Variants in NPY4R observed in about 807,000 individuals in gnomAD.
NPY4R encodes the protein neuropeptide Y receptor type 4.
In NPY4R, 2 loss-of-function variants were observed where a neutral mutation model predicts 11.9. The observed-to-expected ratio is 0.17, with a 90% CI of 0.07 to 0.53. The LOEUF is 0.53. Ranked by LOEUF, NPY4R falls within the 20% of genes least tolerant of loss-of-function variation. The pLI, the probability that NPY4R is intolerant of heterozygous loss-of-function variation, is 0.94. For missense variants in NPY4R, 26 were observed against 280.2 expected (o/e 0.09, Z 6.48); for synonymous variants, 8 against 121.7 (o/e 0.07, Z 6.15).
At chr10:46,466,252 TTTCTTTCTTTCCTTTCTTTCTTTC>T (rs1841037965), upstream of NPY4R, among the ~76,000 whole-genome samples, 36 of 72,956 alleles carry the variant, frequency 4.9e-4, no homozygotes, top group African/African-American at 2.0e-3. Context: ...TCTTTCTTTC[TTTCTTTCTTTCCTTTCTTTCTTTC>T]TTTCTTTCTC....
upstream of NPY4R, among the ~76,000 whole-genome samples, chr10:46,466,246 T>TC (rs1491101538): frequency 1.6e-4 from 11 of 68,402 alleles, no homozygotes; most frequent in African/African-American, 3.4e-4. Flanking sequence ...TTTCTTTCTT[T>TC]CTTTCTTTCT....
chr10:46,466,231 CTTTCTTTCTTTCTTTCTTTCT>C (rs1841028112), upstream of NPY4R, among the ~76,000 whole-genome samples: 2 of 68,306 alleles, frequency 2.9e-5, no homozygotes, highest in African/African-American at 8.6e-5. Flanking sequence ...TTCTTTCTTT[CTTTCTTTCTTTCTTTCTTTCT>C]TTCTTTCTTT....
upstream of NPY4R, among the ~76,000 whole-genome samples, chr10:46,466,572 G>A (rs1215516139): frequency 2.1e-5 from 1 of 47,600 alleles, no homozygotes; most frequent in African/African-American, 9.6e-5. Flanking sequence ...CCCTGGGGGA[G>A]AAGACAGACA....
chr10:46,466,119 G>T (rs1269839466), upstream of NPY4R, among the ~76,000 whole-genome samples: 16 of 147,480 alleles, frequency 1.1e-4, no homozygotes, highest in African/African-American at 3.4e-4. Flanking sequence ...CCCTGCCTGC[G>T]TGTGTCTCTC....
upstream of NPY4R, among the ~76,000 whole-genome samples, chr10:46,466,272 C>CT (rs782461880): frequency 1.5e-5 from 1 of 65,978 alleles, no homozygotes; most frequent in Non-Finnish European, 2.9e-5. Flanking sequence ...TCCTTTCTTT[C>CT]TTTCTTTCTT....
At chr10:46,466,272 C>CTTTCTTTTCTTTCTT, upstream of NPY4R, among the ~76,000 whole-genome samples, 1 of 66,032 alleles carries the variant, frequency 1.5e-5, no homozygotes, top group East Asian at 2.9e-4. Context: ...TCCTTTCTTT[C>CTTTCTTTTCTTTCTT]TTTCTTTCTT....
upstream of NPY4R, among the ~76,000 whole-genome samples, chr10:46,466,183 C>CTTTCTT (rs1279457928): frequency 2.1e-5 from 2 of 93,836 alleles, no homozygotes; most frequent in African/African-American, 8.8e-5. Flanking sequence ...GTCTTTCTCT[C>CTTTCTT]TTTCTTTCTT....
At chr10:46,466,282 T>TC (rs1841048403), upstream of NPY4R, among the ~76,000 whole-genome samples, 1 of 63,752 alleles carries the variant, frequency 1.6e-5, no homozygotes, top group African/African-American at 8.7e-5. Flanking sequence ...CTTTCTTTCT[T>TC]TCTCTCTCTC....
chr10:46,467,989 A>G (rs1554991857), upstream of NPY4R, among the ~76,000 whole-genome samples: 2 of 110,298 alleles, frequency 1.8e-5, no homozygotes, highest in Non-Finnish European at 3.7e-5. Flanking sequence ...AGCAGCAAAC[A>G]GCTCCCTTGC....
At chr10:46,466,239 C>CT (rs1268130475), upstream of NPY4R, among the ~76,000 whole-genome samples, 2 of 69,418 alleles carry the variant, frequency 2.9e-5, no homozygotes, top group African/African-American at 1.7e-4. Flanking sequence ...TTCTTTCTTT[C>CT]TTTCTTTCTT....
chr10:46,466,211 C>T (rs1841024180), upstream of NPY4R, among the ~76,000 whole-genome samples: 1 of 58,198 alleles, frequency 1.7e-5, no homozygotes, highest in Admixed American at 1.6e-4. Context: ...TTCTTTCTTT[C>T]TTTCTTTCTT....
At chr10:46,466,177 T>TTC (rs1377838026), upstream of NPY4R, among the ~76,000 whole-genome samples, 10,376 of 38,270 alleles carry the variant, frequency 0.27, 2,405 homozygotes, top group South Asian at 0.38. Context: ...TGCGCTGTCT[T>TTC]TCTCTCTTTC....
chr10:46,466,288 C>T (rs1351557048), upstream of NPY4R, among the ~76,000 whole-genome samples: 4 of 73,836 alleles, frequency 5.4e-5, 1 homozygote, highest in African/African-American at 2.2e-4. Flanking sequence ...TTCTTTCTCT[C>T]TCTCTCTCTC....
At chr10:46,466,278 TTCTTTCTCTCTC>T (rs1841047563), upstream of NPY4R, among the ~76,000 whole-genome samples, 4,203 of 70,928 alleles carry the variant, frequency 0.059, 294 homozygotes, top group Non-Finnish European at 0.068. Context: ...CTTTCTTTCT[TTCTTTCTCTCTC>T]TCTCTCTCTC....
upstream of NPY4R, among the ~76,000 whole-genome samples, chr10:46,466,206 T>G (rs1168788527): frequency 1.8e-5 from 1 of 54,906 alleles, no homozygotes; most frequent in South Asian, 5.1e-4. Context: ...TTTCTTTCTT[T>G]CTTTCTTTCT....
At chr10:46,467,999 C>G (rs553077334), upstream of NPY4R, among the ~76,000 whole-genome samples, 7 of 111,752 alleles carry the variant, frequency 6.3e-5, 1 homozygote, top group East Asian at 1.7e-3. Flanking sequence ...AGCTCCCTTG[C>G]CAGGCAGAAG....
upstream of NPY4R, among the ~76,000 whole-genome samples, chr10:46,466,248 T>TTCC (rs1841035383): frequency 2.5e-4 from 18 of 72,116 alleles, no homozygotes; most frequent in South Asian, 3.6e-4. Context: ...TCTTTCTTTC[T>TTCC]TTCTTTCTTT....
chr10:46,466,265 TTTCTTTCTTTC>T (rs1841043554), upstream of NPY4R, among the ~76,000 whole-genome samples: 36 of 70,764 alleles, frequency 5.1e-4, no homozygotes, highest in African/African-American at 1.7e-3. Context: ...CTTTCTTTCC[TTTCTTTCTTTC>T]TTTCTTTCTC....
intron 1 of NPY4R, among the ~76,000 whole-genome samples, chr10:46,464,549 A>G (rs2133078376): frequency 1.3e-5 from 1 of 77,280 alleles, no homozygotes; most frequent in East Asian, 2.9e-4. Flanking sequence ...ACTATTCCAG[A>G]GCCAAACACA....
Sources: allele counts gnomAD v4.1 joint callset (sites outside exome capture counted in the v4.1 genomes callset), GRCh38; gene constraint gnomAD v4.1.1; transcripts MANE v1.5; gene names NCBI Gene and HGNC (gene_info 2026-07-23, HGNC 2026-07-21).